The following TMEM200A variants were observed in gnomAD, a reference collection of about 807,000 sequenced individuals.
The protein encoded by TMEM200A is two transmembrane C.
TMEM200A carries 12 observed loss-of-function variants against 24.3 expected under a neutral mutation model. The ratio of observed to expected loss-of-function variants is 0.49; its 90% CI spans 0.32 to 0.80. TMEM200A has a LOEUF of 0.80. Among genes scored for constraint, TMEM200A ranks in the 30% least tolerant of loss-of-function variants. The probability of loss-of-function intolerance (pLI) is 0.04; values close to 1 mark genes in which losing one functional copy is unlikely to be tolerated. For missense variants in TMEM200A, 545 were observed against 614.4 expected, an observed-to-expected ratio of 0.89 and a Z score of 1.19; for synonymous variants, 224 against 224.4, an observed-to-expected ratio of 1.00 and a Z score of 0.02.
chr6:130,433,774 T>C (rs1779936162), intron 2 of TMEM200A, among the ~76,000 whole-genome samples: 1 of 152,190 alleles, frequency 6.6e-6, no homozygotes, highest in African/African-American at 2.4e-5. Flanking sequence ...AATTCAAACA[T>C]ATAAATAAGA....
intron 1 of TMEM200A, among the ~76,000 whole-genome samples, chr6:130,367,228 G>A: frequency 6.6e-6 from 1 of 152,136 alleles, no homozygotes; most frequent in Non-Finnish European, 1.5e-5. Context: ...ACAGGTAATT[G>A]ACTAATTGGA....
chr6:130,427,145 C>A (rs1268760465), intron 2 of TMEM200A, among the ~76,000 whole-genome samples: 3 of 152,120 alleles, frequency 2.0e-5, no homozygotes, highest in South Asian at 2.1e-4. Flanking sequence ...CTCTTATGTT[C>A]CAGGCTTCAA....
rs141662738 is a variant in TMEM200A, at chr6:130,440,809, C to T, written c.387C>T (p.Gly129=). The change falls in exon 3 of 3, where the codon GGC becomes GGT. Residue 129 remains glycine, a synonymous_variant. Coordinates refer to ENST00000296978, the MANE Select transcript of TMEM200A (RefSeq NM_001258277.2). ...ATTCTGATAAGATGAAAATGCTTGGCCCATTCACCATGGGGATTGGCATTT... is the reference window on the plus strand; with the variant it reads ...ATTCTGATAAGATGAAAATGCTTGGTCCATTCACCATGGGGATTGGCATTT... ...HLHSDKMKML[G]PFTMGIGIFI... 4 of 1,613,832 alleles carry T rather than the reference C, an allele frequency of 2.5e-6. No homozygotes were observed. The highest frequency in any genetic ancestry group is 3.4e-6 in the Non-Finnish European group (4 of 1,179,848).
intron 1 of TMEM200A, among the ~76,000 whole-genome samples, chr6:130,379,192 G>A (rs1778538133): frequency 6.6e-6 from 1 of 152,158 alleles, no homozygotes; most frequent in Admixed American, 6.5e-5. Flanking sequence ...CATAGGAGGT[G>A]TGAACAAAAT....
At chr6:130,373,362 G>T (rs1778364582) in intron 1 of TMEM200A, among the ~76,000 whole-genome samples, 1 of 152,124 alleles carries the variant, frequency 6.6e-6, no homozygotes, top group South Asian at 2.1e-4. Flanking sequence ...GAGAAAATTT[G>T]CCTGTAATCC....
chr6:130,378,110 C>T (rs903978461), intron 1 of TMEM200A, among the ~76,000 whole-genome samples: 2 of 152,112 alleles, frequency 1.3e-5, no homozygotes, highest in African/African-American at 4.8e-5. Flanking sequence ...TAGAACAAAG[C>T]AGGGGCTCAC....
Position 130,368,221 on chromosome 6 carries a change from A to T in TMEM200A, c.-81+1697A>T, listed in dbSNP as rs188857390. On this transcript the variant is annotated intron_variant, in intron 1 of 2. Coordinates refer to ENST00000296978, the MANE Select transcript of TMEM200A (RefSeq NM_001258277.2). ...ATAGCTCATTGGCCAGAAAAGGATA[A>T]CTACTGACATATAGAGGGAACGGAT... 1.4e-4 allele frequency among the ~76,000 whole-genome samples: 21 copies of T among 152,334 alleles called. No homozygotes were observed. The East Asian group carries it at 3.9e-3, about 28-fold the overall frequency.
chr6:130,411,399 C>T (rs1779327607), intron 2 of TMEM200A, among the ~76,000 whole-genome samples: 1 of 152,084 alleles, frequency 6.6e-6, no homozygotes, highest in Admixed American at 6.6e-5. Flanking sequence ...CTCCAGGTAC[C>T]TTAGTGTGCA....
chr6:130,400,303 T>C (rs1476232235), intron 2 of TMEM200A, among the ~76,000 whole-genome samples: 1 of 152,098 alleles, frequency 6.6e-6, no homozygotes. Flanking sequence ...GTTCTACTTT[T>C]AGTTCTTGAA....
At chr6:130,367,286 A>G (rs1399239158) in intron 1 of TMEM200A, among the ~76,000 whole-genome samples, 1 of 152,236 alleles carries the variant, frequency 6.6e-6, no homozygotes, top group Non-Finnish European at 1.5e-5. Context: ...TAAAAACTAA[A>G]TATGTTGGAC....
chr6:130,441,943 G>T lies in TMEM200A; in HGVS notation c.*45G>T. On this transcript the variant is annotated 3_prime_UTR_variant, in exon 3 of 3. Coordinates refer to ENST00000296978, the MANE Select transcript of TMEM200A (RefSeq NM_001258277.2). ...TTTACAAGGGTATATATTTTAAAAC[G>T]ATTTTCACTGGTGTTTCCTTCTTAA... The T allele has an allele frequency of 6.7e-7, 1 of 1,493,808 alleles. No homozygotes were observed. Among genetic ancestry groups the T allele is most frequent in the South Asian group, 1.4e-5 (1 of 73,248 alleles). 92.5% of individuals were successfully genotyped at this position (1,493,808 alleles called of 1,614,324 possible).
Position 130,440,911 on chromosome 6 carries a change from C to CT in TMEM200A, c.490dup (p.Tyr164LeufsTer6). 1 of 1,614,028 alleles carries CT rather than the reference C, an allele frequency of 6.2e-7. No individual in the cohort carries two copies. The highest frequency in any genetic ancestry group is 8.5e-7 in the Non-Finnish European group (1 of 1,179,988). On this transcript the variant is annotated frameshift_variant, in exon 3 of 3. Transcript: ENST00000296978. LOFTEE classifies it high-confidence loss of function. The stretch of plus-strand genomic sequence containing the variant: ...CCAAAATCATACACATGAGGGATAT[C>CT]TATTCCACAGTCATTGACATTCACA...
chr6:130,395,900 T>A (rs1235549665), intron 2 of TMEM200A, among the ~76,000 whole-genome samples: 1 of 152,228 alleles, frequency 6.6e-6, no homozygotes, highest in Non-Finnish European at 1.5e-5. Flanking sequence ...AAAGAGGGCT[T>A]GGCTATCCAG....
chr6:130,382,651 G>A (rs186196378), intron 1 of TMEM200A, among the ~76,000 whole-genome samples: 190 of 152,308 alleles, frequency 1.2e-3, no homozygotes, highest in Non-Finnish European at 2.1e-3. Context: ...ACAACAAAGA[G>A]AGTTGAGTGG....
At chr6:130,369,533 A>T (rs1454761234) in intron 1 of TMEM200A, among the ~76,000 whole-genome samples, 1 of 152,124 alleles carries the variant, frequency 6.6e-6, no homozygotes, top group Non-Finnish European at 1.5e-5. Context: ...TTGATGTTTA[A>T]TCTTACTGCT....
At chr6:130,411,308 A>G (rs140144476) in intron 2 of TMEM200A, among the ~76,000 whole-genome samples, 21 of 152,148 alleles carry the variant, frequency 1.4e-4, no homozygotes, top group Non-Finnish European at 2.9e-4. Context: ...AGTTTTTTTT[A>G]AATTTTATAA....
chr6:130,427,915 T>G (rs1241242212), intron 2 of TMEM200A, among the ~76,000 whole-genome samples: 1 of 152,136 alleles, frequency 6.6e-6, no homozygotes, highest in Non-Finnish European at 1.5e-5. Context: ...TAACAGGACA[T>G]TGCAGAGGAA....
At chr6:130,382,439 A>G (rs565063118) in intron 1 of TMEM200A, among the ~76,000 whole-genome samples, 3 of 152,096 alleles carry the variant, frequency 2.0e-5, no homozygotes, top group Non-Finnish European at 2.9e-5. Context: ...ATTCTTCTAG[A>G]CCCACCTTGA....
At position 130,441,369 on chromosome 6, in the gene TMEM200A, A is replaced by G; in HGVS notation, c.947A>G (p.Lys316Arg). Residue 316 changes from lysine to arginine, a missense_variant, in exon 3 of 3, where the codon AAA (lysine) becomes AGA (arginine). Coordinates refer to ENST00000296978, the MANE Select transcript of TMEM200A (RefSeq NM_001258277.2). ...ATCACTGAAGATGCTGACAACCTCA[A>G]AAGTAGGTCAAGGAATTTGTCAATG... ...DNITEDADNLKSRSRNLSMDS... is the reference protein window; with the variant it reads ...DNITEDADNLRSRSRNLSMDS... The G allele has an allele frequency of 3.7e-6, 6 of 1,614,152 alleles. No individual in the cohort carries two copies. The highest frequency in any genetic ancestry group is 5.1e-6 in the Non-Finnish European group (6 of 1,180,006).
Sources: gnomAD v4.1 joint callset for allele counts (sites outside exome capture counted in the v4.1 genomes callset) on GRCh38, gnomAD v4.1.1 for gene constraint, MANE v1.5 for transcripts, NCBI Gene and HGNC (gene_info 2026-07-23, HGNC 2026-07-21) for gene names.